Variants in MAIP1 observed in about 807,000 individuals in gnomAD.
The protein encoded by MAIP1 is m-AAA protease-interacting protein 1, mitochondrial.
In MAIP1, 28 loss-of-function variants were observed where a neutral mutation model predicts 31.2. The observed-to-expected ratio is 0.90, with a 90% CI of 0.67 to 1.23. The LOEUF (loss-of-function observed/expected upper bound fraction) is 1.23. MAIP1 is among the 50% of genes most tolerant of loss of function. The pLI is 0.00. For missense variants in MAIP1, 339 were observed against 356.0 expected (o/e 0.95, Z 0.38); for synonymous variants, 142 against 142.3 (o/e 1.00, Z 0.02).
Position 199,959,756 on chromosome 2 carries a change from G to A in MAIP1, c.525G>A (p.Val175=), listed in dbSNP as rs759697310. ...TGGCTTGCTTTTTTCAAACTTAGGT[G>A]CTACATGCATTGAAAGAAAAGGTTA... is the stretch of plus-strand genomic sequence containing the variant. ...DLLEELVAKE[V]LHALKEKVTS... Residue 175 remains valine (V), a splice_region_variant and synonymous_variant, in exon 3 of 5, where the codon GTG becomes GTA. Coordinates refer to ENST00000392290, the MANE Select transcript of MAIP1 (RefSeq NM_001394955.1). 1 of 1,610,784 alleles carries A rather than the reference G, an allele frequency of 6.2e-7. No individual in the cohort carries two copies.
intron 1 of MAIP1, among the ~76,000 whole-genome samples, chr2:199,956,686 TAAG>T (rs1190212047): frequency 1.9e-4 from 29 of 152,184 alleles, no homozygotes; most frequent in African/African-American, 6.5e-4. Flanking sequence ...AATAAATGGG[TAAG>T]ATTGAAGAAT....
At chr2:199,959,460 G>T in intron 2 of MAIP1, 121 bp downstream of exon 2, 1 of 684,912 alleles carries the variant, frequency 1.5e-6, no homozygotes, top group East Asian at 2.6e-5. Context: ...AGTAGAGTCT[G>T]TGTATCTGTT....
chr2:199,957,316 C>T (rs1459022742), intron 1 of MAIP1, among the ~76,000 whole-genome samples: 2 of 152,048 alleles, frequency 1.3e-5, no homozygotes, highest in Admixed American at 1.3e-4. Context: ...TGCATGAACC[C>T]GGGAGGTGGA....
In MAIP1 at chr2:199,961,869, C is replaced by T. The variant is rs751307765; in HGVS notation, c.738C>T (p.Phe246=). 1 of 1,613,854 alleles carries T rather than the reference C, an allele frequency of 6.2e-7. No homozygotes were observed. The highest frequency in any genetic ancestry group is 8.5e-7 in the Non-Finnish European group (1 of 1,179,840). The change falls in exon 4 of 5, where the codon TTC becomes TTT. Residue 246 remains phenylalanine (F), a synonymous_variant. Transcript: ENST00000392290. ...AAACTTTAAGAGGAGCCAGTGTATT[C>T]CAGGTTAAGTTGGGGAATCAGAATG... ...PSETLRGASV[F]QVKLGNQNVE...
chr2:199,960,762 G>A (rs1419690409), intron 3 of MAIP1, among the ~76,000 whole-genome samples: 4 of 152,142 alleles, frequency 2.6e-5, no homozygotes, highest in East Asian at 1.9e-4. Context: ...CCAATCCTCC[G>A]TGGATTTTGA....
intron 1 of MAIP1, among the ~76,000 whole-genome samples, chr2:199,958,867 C>A (rs1180825704): frequency 1.3e-5 from 2 of 152,214 alleles, no homozygotes; most frequent in Non-Finnish European, 2.9e-5. Flanking sequence ...CCCAGATTTC[C>A]AGACTCCCAA....
At position 199,959,791 on chromosome 2, in the gene MAIP1, C is replaced by T; in HGVS notation, c.560C>T (p.Pro187Leu). 1 of 1,612,490 alleles carries T rather than the reference C, an allele frequency of 6.2e-7. No individual in the cohort carries two copies. The highest frequency in any genetic ancestry group is 8.5e-7 in the Non-Finnish European group (1 of 1,179,148). Reference sequence around the variant, plus strand: ...TTGAAAGAAAAGGTTACTTCACTACCTGACAACCATAAAAATGCCCTTGCT... The same window carrying T: ...TTGAAAGAAAAGGTTACTTCACTACTTGACAACCATAAAAATGCCCTTGCT... Reference protein sequence around the residue: ...HALKEKVTSLPDNHKNALAAN... With the variant: ...HALKEKVTSLLDNHKNALAAN... The change falls in exon 3 of 5, where the codon CCT (proline) becomes CTT (leucine). Residue 187 changes from proline to leucine, a missense_variant. Coordinates refer to ENST00000392290, the MANE Select transcript of MAIP1 (RefSeq NM_001394955.1).
intron 1 of MAIP1, among the ~76,000 whole-genome samples, chr2:199,957,039 CTT>C (rs71403495): frequency 1.1e-4 from 14 of 129,814 alleles, no homozygotes; most frequent in Non-Finnish European, 1.1e-4. Context: ...TGGGTACATG[CTT>C]TTTTTTTTTT....
intron 1 of MAIP1, 31 bp downstream of exon 1, chr2:199,956,279 T>C: frequency 6.5e-7 from 1 of 1,531,238 alleles, no homozygotes; most frequent in Non-Finnish European, 9.0e-7. Context: ...GACCTATCCG[T>C]CTCTAATGAG....
At chr2:199,956,286 T>A in intron 1 of MAIP1, 38 bp downstream of exon 1, 4 of 1,483,616 alleles carry the variant, frequency 2.7e-6, no homozygotes, top group East Asian at 2.3e-5. Context: ...CCGTCTCTAA[T>A]GAGTTCAACT....
intron 3 of MAIP1, among the ~76,000 whole-genome samples, chr2:199,960,429 C>G (rs907817852): frequency 4.6e-5 from 7 of 152,162 alleles, no homozygotes; most frequent in Admixed American, 4.6e-4. Context: ...TGATAATTCA[C>G]TGTTTGTTCC....
rs562520847 is a variant in MAIP1 at position 199,963,294 on chromosome 2, T to C, written c.798-439T>C. On this transcript the variant is annotated intron_variant, in intron 4 of 4. Transcript: ENST00000392290. ...CTAAATTCCACTATTTATTCCTAAA[T>C]TGGTAACAGTGCTATTTGAAAAATA... Among the ~76,000 whole-genome samples the C allele has an allele frequency of 2.4e-4, 36 of 152,318 alleles. No homozygotes were observed. In the South Asian group the frequency reaches 7.5e-3, roughly 32 times the overall value.
intron 1 of MAIP1, 152 bp downstream of exon 1, chr2:199,956,400 T>TA (rs757050515): frequency 1.4e-6 from 1 of 715,946 alleles, no homozygotes; most frequent in Non-Finnish European, 2.4e-6. Context: ...TTGCTTGACT[T>TA]AAAGTAAGCT....
chr2:199,957,673 C>G (rs1265878595), intron 1 of MAIP1, among the ~76,000 whole-genome samples: 2 of 152,148 alleles, frequency 1.3e-5, no homozygotes, highest in Non-Finnish European at 2.9e-5. Context: ...CAACTCTTGA[C>G]TACTATATAT....
Position 199,955,768 on chromosome 2 carries a change from C to A in MAIP1, c.-31C>A, listed in dbSNP as rs752307275. 2 of 1,508,050 alleles carry A rather than the reference C, an allele frequency of 1.3e-6. No homozygotes were observed. The highest frequency in any genetic ancestry group is 1.3e-5 in the South Asian group (1 of 74,578). 93.4% of individuals were successfully genotyped at this position (1,508,050 alleles called of 1,614,324 possible). A position where few individuals can be genotyped will look rare whatever the true frequency, so the allele number is the denominator to read the frequency against. On this transcript the variant is annotated 5_prime_UTR_variant, in exon 1 of 5. Transcript: ENST00000392290. ...CCACCGACTTCCTTTCCATACAGCA[C>A]CGGCAGGCACCGGTGTGAAGGGTCA...
At position 199,958,447 on chromosome 2, in the gene MAIP1, G is replaced by C. The variant is rs1437044032; in HGVS notation, c.451-821G>C. Among the ~76,000 whole-genome samples, 3 of 152,152 alleles carry C rather than the reference G, an allele frequency of 2.0e-5. No homozygotes were observed. The South Asian group carries it at 6.2e-4, about 32-fold the overall frequency. On this transcript the variant is annotated intron_variant, in intron 1 of 4. Coordinates refer to ENST00000392290, the MANE Select transcript of MAIP1 (RefSeq NM_001394955.1). ...CTATAACAGTTAGGCAGTATTCTCT[G>C]ACATGCCATATCTGACATGCCTGTG...
chr2:199,956,593 G>T (rs1218138341), intron 1 of MAIP1, among the ~76,000 whole-genome samples: 2 of 152,198 alleles, frequency 1.3e-5, no homozygotes, highest in Non-Finnish European at 2.9e-5. Context: ...CATCTTGTCT[G>T]AACATAATTT....
At chr2:199,957,844 G>A (rs1559311916) in intron 1 of MAIP1, among the ~76,000 whole-genome samples, 1 of 152,252 alleles carries the variant, frequency 6.6e-6, no homozygotes, top group Admixed American at 6.5e-5. Flanking sequence ...GATGATATAT[G>A]AGCTTGTCCA....
intron 3 of MAIP1, among the ~76,000 whole-genome samples, chr2:199,961,454 ACT>A (rs1388043397): frequency 1.3e-5 from 2 of 151,984 alleles, no homozygotes; most frequent in Admixed American, 1.3e-4. Context: ...ACAGAGTGAG[ACT>A]CTGTGTCAAA....
Sources: allele counts gnomAD v4.1 joint callset (sites outside exome capture counted in the v4.1 genomes callset), GRCh38; gene constraint gnomAD v4.1.1; transcripts MANE v1.5; gene names NCBI Gene and HGNC (gene_info 2026-07-23, HGNC 2026-07-21).